Variants in RASGRF2 observed in about 807,000 individuals in gnomAD.
The protein encoded by RASGRF2 is Ras protein specific guanine nucleotide releasing factor 2, also known as ras-specific guanine nucleotide-releasing factor 2.
A neutral mutation model predicts 151.0 loss-of-function variants in RASGRF2; 76 were observed. That is an observed-to-expected ratio of 0.50 (90% CI 0.42 to 0.61). The LOEUF (loss-of-function observed/expected upper bound fraction) is 0.61. RASGRF2 is among the 20% of genes least tolerant of loss of function. RASGRF2 has a pLI of 0.00. For missense variants in RASGRF2, 1,148 were observed against 1,564.6 expected, an observed-to-expected ratio of 0.73 and a Z score of 4.49; for synonymous variants, 504 against 566.5, an observed-to-expected ratio of 0.89 and a Z score of 1.57.
At chr5:80,999,964 G>C (rs1300140229) in intron 1 of RASGRF2, among the ~76,000 whole-genome samples, 1 of 152,182 alleles carries the variant, frequency 6.6e-6, no homozygotes, top group Non-Finnish European at 1.5e-5. Context: ...AATTCAGAAA[G>C]GGCATGATGG....
At chr5:81,208,313 T>C (rs1234280507) in intron 21 of RASGRF2, 41 bp from the exon 22 acceptor site, 4 of 1,550,100 alleles carry the variant, frequency 2.6e-6, no homozygotes, top group Non-Finnish European at 3.6e-6. Context: ...ACCATATTTT[T>C]AAAAACTTAA....
At chr5:81,202,294 T>C (rs1346475909) in intron 19 of RASGRF2, among the ~76,000 whole-genome samples, 2 of 152,214 alleles carry the variant, frequency 1.3e-5, no homozygotes, top group African/African-American at 2.4e-5. Context: ...CTCTCATTTC[T>C]AGTTCCCTCT....
chr5:80,977,977 T>C (rs1748180112), intron 1 of RASGRF2, among the ~76,000 whole-genome samples: 1 of 152,226 alleles, frequency 6.6e-6, no homozygotes, highest in African/African-American at 2.4e-5. Context: ...GGTAAATTCC[T>C]TAAGAAATAG....
At chr5:80,996,511 C>T (rs375738296) in intron 1 of RASGRF2, among the ~76,000 whole-genome samples, 15,862 of 41,902 alleles carry the variant, frequency 0.38, 1,405 homozygotes, top group African/African-American at 0.44. Context: ...CTTCCTCCTC[C>T]TCCTCCTCCC....
chr5:81,019,738 T>C (rs16878326), intron 1 of RASGRF2, among the ~76,000 whole-genome samples: 2,494 of 152,330 alleles, frequency 0.016, 86 homozygotes, highest in African/African-American at 0.057. Context: ...ATCACTGATT[T>C]GACCAGTATC....
chr5:81,053,904 G>C lies in RASGRF2; in HGVS notation c.395+10921G>C, dbSNP rs368561641. 2.3e-3 allele frequency among the ~76,000 whole-genome samples: 345 copies of C among 152,216 alleles called. 5 individuals carry two copies. Among genetic ancestry groups the C allele is most frequent in the Non-Finnish European group, 6.2e-4 (42 of 68,032 alleles). ...ATGGTGAGCATTTTTTCATGTGTCT[G>C]TTGGCTGCATAAATGTCTTCTTTTG... On this transcript the variant is annotated intron_variant, in intron 2 of 26. Coordinates refer to ENST00000265080, the MANE Select transcript of RASGRF2 (RefSeq NM_006909.3).
intron 2 of RASGRF2, among the ~76,000 whole-genome samples, chr5:81,060,860 A>G (rs1751409161): frequency 6.6e-6 from 1 of 152,198 alleles, no homozygotes; most frequent in Admixed American, 6.5e-5. Flanking sequence ...AAAATCACCC[A>G]TAATTGCTCC....
rs148348895 is a variant in RASGRF2 at position 81,022,681 on chromosome 5, G to C, written c.289-20196G>C. Among the ~76,000 whole-genome samples the C allele has an allele frequency of 3.8e-3, 584 of 152,234 alleles. 7 individuals are homozygous for C. The highest frequency in any genetic ancestry group is 0.013 in the African/African-American group (551 of 41,538). On this transcript the variant is annotated intron_variant, in intron 1 of 26. Transcript: ENST00000265080. ...TCTCCTTCTTGCCACACTCCTCCTT[G>C]TGCTCCCAACTCACTGGGACTTCCC...
At chr5:81,109,203 G>A (rs1752930503) in intron 13 of RASGRF2, 125 bp downstream of exon 13, 1 of 1,408,296 alleles carries the variant, frequency 7.1e-7, no homozygotes, top group East Asian at 2.5e-5. Context: ...TTCTTGACAG[G>A]AATGCAGTGA....
intron 22 of RASGRF2, among the ~76,000 whole-genome samples, chr5:81,209,793 C>T (rs1755591250): frequency 6.6e-6 from 1 of 152,166 alleles, no homozygotes; most frequent in Admixed American, 6.5e-5. Context: ...TGCTACATTG[C>T]ATTCTTGACA....
chr5:81,215,621 T>C (rs1258462788), intron 23 of RASGRF2, among the ~76,000 whole-genome samples: 1 of 152,184 alleles, frequency 6.6e-6, no homozygotes, highest in African/African-American at 2.4e-5. Flanking sequence ...GCAGTGTTTC[T>C]TTCCACACAT....
At chr5:81,205,506 C>G (rs1377321841) in intron 19 of RASGRF2, among the ~76,000 whole-genome samples, 1 of 152,174 alleles carries the variant, frequency 6.6e-6, no homozygotes, top group Non-Finnish European at 1.5e-5. Context: ...TTAGCACATG[C>G]CTGGCATAGA....
intron 1 of RASGRF2, among the ~76,000 whole-genome samples, chr5:80,969,306 T>C (rs544974932): frequency 4.0e-4 from 60 of 151,722 alleles, no homozygotes; most frequent in African/African-American, 1.4e-3. Flanking sequence ...AACTTTTGCA[T>C]TCTTTTTTTA....
chr5:81,061,611 G>T (rs140027420), intron 2 of RASGRF2, among the ~76,000 whole-genome samples: 1 of 151,192 alleles, frequency 6.6e-6, no homozygotes, highest in African/African-American at 2.4e-5. Flanking sequence ...GGGCTCAAGT[G>T]ATCCTCCTGC....
At chr5:81,220,516 G>A (rs574866249) in intron 26 of RASGRF2, among the ~76,000 whole-genome samples, 2 of 152,266 alleles carry the variant, frequency 1.3e-5, no homozygotes, top group South Asian at 4.1e-4. Context: ...ATGGAGTCTC[G>A]CTCTGTCGCC....
At chr5:81,120,578 G>A (rs959725448) in intron 15 of RASGRF2, among the ~76,000 whole-genome samples, 5 of 152,098 alleles carry the variant, frequency 3.3e-5, no homozygotes, top group African/African-American at 1.2e-4. Flanking sequence ...GTAAGACCCT[G>A]TCTCAAAAAT....
At chr5:80,981,573 G>A (rs986625288) in intron 1 of RASGRF2, among the ~76,000 whole-genome samples, 5 of 151,956 alleles carry the variant, frequency 3.3e-5, no homozygotes, top group African/African-American at 1.2e-4. Context: ...GCTCTAGAGA[G>A]TGCTTTTTTT....
At chr5:81,134,944 C>T (rs1753717695) in intron 17 of RASGRF2, among the ~76,000 whole-genome samples, 1 of 151,676 alleles carries the variant, frequency 6.6e-6, no homozygotes, top group Non-Finnish European at 1.5e-5. Flanking sequence ...AGTAATTATT[C>T]TCTAGTTACA....
At chr5:81,092,682 G>A in intron 9 of RASGRF2, 119 bp from the exon 10 acceptor site, 1 of 898,422 alleles carries the variant, frequency 1.1e-6, no homozygotes, top group Non-Finnish European at 1.7e-6. Flanking sequence ...CTGATGATGT[G>A]TCACATAAAT....
Sources: allele counts gnomAD v4.1 joint callset (sites outside exome capture counted in the v4.1 genomes callset), GRCh38; gene constraint gnomAD v4.1.1; transcripts MANE v1.5; gene names NCBI Gene and HGNC (gene_info 2026-07-23, HGNC 2026-07-21).